Variants in CLDN23 observed in about 807,000 individuals in gnomAD.
CLDN23 encodes claudin 23.
In CLDN23, 3 loss-of-function variants were observed where a neutral mutation model predicts 1.4. That is an observed-to-expected ratio of 2.10 (90% CI 0.96 to 5.43). The LOEUF (loss-of-function observed/expected upper bound fraction) is 5.43, where lower values mean the gene tolerates loss of function less well. Ranked by LOEUF, CLDN23 falls within the 30% of genes most tolerant of loss-of-function variation. The probability of loss-of-function intolerance (pLI) is 0.02; values close to 1 mark genes in which losing one functional copy is unlikely to be tolerated. For synonymous variants in CLDN23, 291 were observed against 209.9 expected (o/e 1.39, Z -3.34); for missense variants, 597 against 433.5 (o/e 1.38, Z -3.35).
Position 8,702,483 on chromosome 8 carries a change from G to C in CLDN23, c.85G>C (p.Gly29Arg). Residue 29 changes from glycine to arginine, a missense_variant, in exon 1 of 1, where the codon GGC (glycine) becomes CGC (arginine). Coordinates refer to ENST00000519106, the MANE Select transcript of CLDN23 (RefSeq NM_194284.3). The part of the protein sequence containing the change: ...LLNLTGTLAP[G>R]WRLVKGFLNQ... The stretch of plus-strand genomic sequence containing the variant: ...CAACCTGACCGGCACCCTGGCGCCC[G>C]GCTGGCGGCTGGTGAAGGGCTTCCT... The C allele has an allele frequency of 6.2e-7, 1 of 1,607,486 alleles. No homozygotes were observed. Among genetic ancestry groups the C allele is most frequent in the Non-Finnish European group, 8.5e-7 (1 of 1,178,130 alleles).
Position 8,702,957 on chromosome 8 carries a change from G to T in CLDN23, c.559G>T (p.Glu187Ter). The T allele has an allele frequency of 6.4e-7, 1 of 1,565,254 alleles. No homozygotes were observed. The highest frequency in any genetic ancestry group is 8.6e-7 in the Non-Finnish European group (1 of 1,161,002). ...GCTCAGCTTCGCGCCCTGGTGCGAC[G>T]AGCGTTGTCGCCGCCGCCGCAAGGG... ...LALSFAPWCDERCRRRRKGPS... is the reference protein window; with the variant it reads ...LALSFAPWCD Residue 187 changes from glutamate (E) to a stop codon, truncating the protein, a stop_gained, in exon 1 of 1, where the codon GAG becomes TAG. Coordinates refer to ENST00000519106, the MANE Select transcript of CLDN23 (RefSeq NM_194284.3). LOFTEE classifies it low-confidence loss of function (END_TRUNC).
Position 8,702,170 on chromosome 8 carries a change from G to A in CLDN23, c.-229G>A. 7.4e-6 allele frequency: 3 copies of A among 404,304 alleles called. No homozygotes were observed. The highest frequency in any genetic ancestry group is 8.6e-6 in the Non-Finnish European group (2 of 231,658). 25.0% of individuals were successfully genotyped at this position (404,304 alleles called of 1,614,324 possible). A position where few individuals can be genotyped will look rare whatever the true frequency, so the allele number is the denominator to read the frequency against. ...TTAGGGCCAGTAGGAGGGCGGAGCG[G>A]CCGGGACGCCAGGAGGGAACTAGCC... On this transcript the variant is annotated 5_prime_UTR_variant, in exon 1 of 1. Coordinates refer to ENST00000519106, the MANE Select transcript of CLDN23 (RefSeq NM_194284.3).
chr8:8,703,680 T>G lies in CLDN23; in HGVS notation c.*403T>G, dbSNP rs1802826365. 2 of 174,772 alleles carry G rather than the reference T, an allele frequency of 1.1e-5. No individual in the cohort carries two copies. The highest frequency in any genetic ancestry group is 4.8e-5 in the African/African-American group (2 of 41,808). 10.8% of individuals were successfully genotyped at this position (174,772 alleles called of 1,614,324 possible). The stretch of plus-strand genomic sequence containing the variant: ...ATCAATATAATTATTGGGTTTTTTT[T>G]CTTTTTCCTGCTGTATAACTCCTTG... On this transcript the variant is annotated 3_prime_UTR_variant, in exon 1 of 1. Coordinates refer to ENST00000519106, the MANE Select transcript of CLDN23 (RefSeq NM_194284.3).
At position 8,703,191 on chromosome 8, in the gene CLDN23, G is replaced by A. The variant is rs1025934367; in HGVS notation, c.793G>A (p.Asp265Asn). The A allele has an allele frequency of 3.3e-6, 5 of 1,495,398 alleles. No homozygotes were observed. The highest frequency in any genetic ancestry group is 1.3e-5 in the South Asian group (1 of 77,464). 92.6% of individuals were successfully genotyped at this position (1,495,398 alleles called of 1,614,324 possible). The change falls in exon 1 of 1, where the codon GAC (aspartate) becomes AAC (asparagine). Residue 265 changes from aspartate to asparagine, a missense_variant. Coordinates refer to ENST00000519106, the MANE Select transcript of CLDN23 (RefSeq NM_194284.3). ...CTACACCAACTCGGTGGACGTCCTC[G>A]ACGGGGAGGGGTGGGAGTCCCAGGA... ...KAYTNSVDVL[D>N]GEGWESQDAP...
In CLDN23 at chr8:8,702,274, G is replaced by A. The variant is rs1802743566; in HGVS notation, c.-125G>A. ...GGCTCAGGAGCCCGACCCGGAGCCC[G>A]GGGCGTCCGCGCTGACTTCGGGTCC... On this transcript the variant is annotated 5_prime_UTR_variant, in exon 1 of 1. Coordinates refer to ENST00000519106, the MANE Select transcript of CLDN23 (RefSeq NM_194284.3). 7 of 1,080,100 alleles carry A rather than the reference G, an allele frequency of 6.5e-6. No individual in the cohort carries two copies. Among genetic ancestry groups the A allele is most frequent in the South Asian group, 5.4e-5 (3 of 55,862 alleles). The allele number at this position is 1,080,100 out of a possible 1,614,324, so 66.9% of individuals were successfully genotyped here.
At position 8,702,208 on chromosome 8, in the gene CLDN23, G is replaced by A; in HGVS notation, c.-191G>A. ...GAGGGAACTAGCCTAAGTGGGGACGGTCCCCGTGCAGGAGACAAAGAGCGT... is the reference window on the plus strand; with the variant it reads ...GAGGGAACTAGCCTAAGTGGGGACGATCCCCGTGCAGGAGACAAAGAGCGT... On this transcript the variant is annotated 5_prime_UTR_variant, in exon 1 of 1. Coordinates refer to ENST00000519106, the MANE Select transcript of CLDN23 (RefSeq NM_194284.3). 4 of 496,608 alleles carry A rather than the reference G, an allele frequency of 8.1e-6. No individual in the cohort carries two copies. The highest frequency in any genetic ancestry group is 1.4e-5 in the Non-Finnish European group (4 of 296,172). The allele number at this position is 496,608 out of a possible 1,614,324, so 30.8% of individuals were successfully genotyped here.
Position 8,702,510 on chromosome 8 carries a change from A to C in CLDN23, c.112A>C (p.Asn38His). The change falls in exon 1 of 1, where the codon AAC becomes CAC. Residue 38 changes from asparagine (N) to histidine (H), a missense_variant. Transcript: ENST00000519106. Reference protein sequence around the residue: ...PGWRLVKGFLNQPVDVELYQG... With the variant: ...PGWRLVKGFLHQPVDVELYQG... Reference sequence around the variant, plus strand: ...CTGGCGGCTGGTGAAGGGCTTCCTGAACCAGCCAGTGGACGTGGAGTTGTA... The same window carrying C: ...CTGGCGGCTGGTGAAGGGCTTCCTGCACCAGCCAGTGGACGTGGAGTTGTA... The C allele has an allele frequency of 6.2e-7, 1 of 1,609,428 alleles. No individual in the cohort carries two copies.
chr8:8,702,824 C>T lies in CLDN23; in HGVS notation c.426C>T (p.Arg142=), dbSNP rs781047657. 1.2e-6 allele frequency: 2 copies of T among 1,609,024 alleles called. No individual in the cohort carries two copies. Among genetic ancestry groups the T allele is most frequent in the Admixed American group, 1.7e-5 (1 of 59,910 alleles). The change falls in exon 1 of 1, where the codon CGC becomes CGT. Residue 142 remains arginine, a synonymous_variant. Coordinates refer to ENST00000519106, the MANE Select transcript of CLDN23 (RefSeq NM_194284.3). ...VSWYNHFLGD[R]DVLPAPASPV... ...GGTACAACCACTTCTTGGGGGACCG[C>T]GACGTGCTGCCCGCCCCGGCCAGCC...
Position 8,702,830 on chromosome 8 carries a change from G to T in CLDN23, c.432G>T (p.Val144=). ...ACCACTTCTTGGGGGACCGCGACGT[G>T]CTGCCCGCCCCGGCCAGCCCGGTCA... The part of the protein sequence containing the change: ...WYNHFLGDRD[V]LPAPASPVTV... Residue 144 remains valine, a synonymous_variant, in exon 1 of 1, where the codon GTG becomes GTT. Transcript: ENST00000519106. 1 of 1,608,424 alleles carries T rather than the reference G, an allele frequency of 6.2e-7. No individual in the cohort carries two copies.
Position 8,702,553 on chromosome 8 carries a change from T to C in CLDN23, c.155T>C (p.Met52Thr), listed in dbSNP as rs1311381859. ...DVELYQGLWD[M>T]CREQSSRERE... ...GAGTTGTACCAGGGCCTGTGGGACA[T>C]GTGTCGCGAGCAGAGCAGCCGCGAG... Residue 52 changes from methionine (M) to threonine (T), a missense_variant, in exon 1 of 1, where the codon ATG becomes ACG. Transcript: ENST00000519106. 3 of 1,611,552 alleles carry C rather than the reference T, an allele frequency of 1.9e-6. No homozygotes were observed. Among genetic ancestry groups the C allele is most frequent in the Non-Finnish European group, 2.5e-6 (3 of 1,179,228 alleles).
rs893619592 is a variant in CLDN23, at chr8:8,703,415, C to T, written c.*138C>T. The T allele has an allele frequency of 2.5e-5, 20 of 814,944 alleles. No homozygotes were observed. The East Asian group carries it at 6.7e-4, about 27-fold the overall frequency. 50.5% of individuals were successfully genotyped at this position (814,944 alleles called of 1,614,324 possible). On this transcript the variant is annotated 3_prime_UTR_variant, in exon 1 of 1. Transcript: ENST00000519106. ...CTGCCTTTCGTGGGACCAAACAGGACTCCTTGGACGATTAGTTCAGGTTGG... is the reference window on the plus strand; with the variant it reads ...CTGCCTTTCGTGGGACCAAACAGGATTCCTTGGACGATTAGTTCAGGTTGG...
rs772804750 is a variant in CLDN23, at chr8:8,702,602, G to C, written c.204G>C (p.Gln68His). 28 of 1,607,306 alleles carry C rather than the reference G, an allele frequency of 1.7e-5. No individual in the cohort carries two copies. Among genetic ancestry groups the C allele is most frequent in the African/African-American group, 9.4e-5 (7 of 74,774 alleles). Residue 68 changes from glutamine (Q) to histidine (H), a missense_variant, in exon 1 of 1, where the codon CAG (glutamine) becomes CAC (histidine). Coordinates refer to ENST00000519106, the MANE Select transcript of CLDN23 (RefSeq NM_194284.3). The part of the protein sequence containing the change: ...SRERECGQTD[Q>H]WGYFEAQPVL... Reference sequence around the variant, plus strand: ...AGCGCGAGTGCGGCCAGACGGACCAGTGGGGCTACTTCGAGGCCCAGCCCG... The same window carrying C: ...AGCGCGAGTGCGGCCAGACGGACCACTGGGGCTACTTCGAGGCCCAGCCCG...
rs1262498769 is a variant in CLDN23, at chr8:8,702,879, G to C, written c.481G>C (p.Val161Leu). Residue 161 changes from valine to leucine, a missense_variant, in exon 1 of 1, where the codon GTC becomes CTC. Physicochemically the swap from Val to Leu is conservative, Grantham distance 32. Transcript: ENST00000519106. ...CACGGTGCAGGTCAGCTACAGCCTG[G>C]TCCTGGGCTACCTGGGCAGCTGCCT... ...PVTVQVSYSL[V>L]LGYLGSCLLL... The C allele has an allele frequency of 6.9e-6, 11 of 1,585,648 alleles. No individual in the cohort carries two copies. The highest frequency in any genetic ancestry group is 9.4e-6 in the Non-Finnish European group (11 of 1,165,542).
rs1204998614 is a variant in CLDN23 at position 8,702,965 on chromosome 8, TCGC to T, written c.577_579del (p.Arg193del). 7.0e-6 allele frequency: 11 copies of T among 1,562,722 alleles called. No homozygotes were observed. Among genetic ancestry groups the T allele is most frequent in the African/African-American group, 1.4e-5 (1 of 73,598 alleles). ...TCGCGCCCTGGTGCGACGAGCGTTGTCGCCGCCGCCGCAAGGGACCCTCCGCCG... is the reference window on the plus strand; with the variant it reads ...TCGCGCCCTGGTGCGACGAGCGTTGTCGCCGCCGCAAGGGACCCTCCGCCG... On this transcript the variant is annotated inframe_deletion, in exon 1 of 1. Coordinates refer to ENST00000519106, the MANE Select transcript of CLDN23 (RefSeq NM_194284.3).
In CLDN23 at chr8:8,703,078, G is replaced by A. The variant is rs996468063; in HGVS notation, c.680G>A (p.Gly227Asp). The change falls in exon 1 of 1, where the codon GGC becomes GAC. Residue 227 changes from glycine (G) to aspartate (D), a missense_variant. Coordinates refer to ENST00000519106, the MANE Select transcript of CLDN23 (RefSeq NM_194284.3). ...CCCGCCATCAAGTACTACAGCGACGGCCAGCACCGACCGCCGCCTGCCCAG... is the reference window on the plus strand; with the variant it reads ...CCCGCCATCAAGTACTACAGCGACGACCAGCACCGACCGCCGCCTGCCCAG... ...LAPAIKYYSD[G>D]QHRPPPAQHR... The A allele has an allele frequency of 2.0e-6, 3 of 1,536,100 alleles. No homozygotes were observed. The highest frequency in any genetic ancestry group is 2.8e-5 in the African/African-American group (2 of 71,534).
In CLDN23 at chr8:8,703,032, T is replaced by A; in HGVS notation, c.634T>A (p.Trp212Arg). 6.5e-7 allele frequency: 1 copy of A among 1,541,408 alleles called. No individual in the cohort carries two copies. Among genetic ancestry groups the A allele is most frequent in the South Asian group, 1.2e-5 (1 of 83,794 alleles). ...RSSVSTIQVE[W>R]PEPDLAPAIK... ...CAGCGTCAGCACCATCCAAGTGGAG[T>A]GGCCCGAGCCCGACCTGGCGCCCGC... The change falls in exon 1 of 1, where the codon TGG becomes AGG. Residue 212 changes from tryptophan (W) to arginine (R), a missense_variant. By Grantham distance (101) the Trp-to-Arg change is moderately radical. Transcript: ENST00000519106.
In CLDN23 at chr8:8,702,313, C is replaced by T; in HGVS notation, c.-86C>T. On this transcript the variant is annotated 5_prime_UTR_variant, in exon 1 of 1. Transcript: ENST00000519106. ...GACTTCGGGTCCCCGGAGCCTGGGG[C>T]ACGGCAGGGAGAAGACGACGGCGGA... 2 of 1,397,842 alleles carry T rather than the reference C, an allele frequency of 1.4e-6. No individual in the cohort carries two copies. The highest frequency in any genetic ancestry group is 3.1e-5 in the South Asian group (2 of 65,432). The allele number at this position is 1,397,842 out of a possible 1,614,324, so 86.6% of individuals were successfully genotyped here. A position where few individuals can be genotyped will look rare whatever the true frequency, so the allele number is the denominator to read the frequency against.
In CLDN23 at chr8:8,702,548, G is replaced by T. The variant is rs1802760524; in HGVS notation, c.150G>T (p.Trp50Cys). 2 of 1,611,740 alleles carry T rather than the reference G, an allele frequency of 1.2e-6. No homozygotes were observed. The highest frequency in any genetic ancestry group is 1.7e-6 in the Non-Finnish European group (2 of 1,179,282). The change falls in exon 1 of 1, where the codon TGG becomes TGT. Residue 50 changes from tryptophan (W) to cysteine (C), a missense_variant. Coordinates refer to ENST00000519106, the MANE Select transcript of CLDN23 (RefSeq NM_194284.3). ...ACGTGGAGTTGTACCAGGGCCTGTG[G>T]GACATGTGTCGCGAGCAGAGCAGCC... ...PVDVELYQGL[W>C]DMCREQSSRE...
rs1455235672 is a variant in CLDN23, at chr8:8,703,446, G to C, written c.*169G>C. 5 of 625,920 alleles carry C rather than the reference G, an allele frequency of 8.0e-6. No homozygotes were observed. The highest frequency in any genetic ancestry group is 3.8e-5 in the African/African-American group (2 of 52,468). The allele number at this position is 625,920 out of a possible 1,614,324, so 38.8% of individuals were successfully genotyped here. A position where few individuals can be genotyped will look rare whatever the true frequency, so the allele number is the denominator to read the frequency against. Reference sequence around the variant, plus strand: ...GGACGATTAGTTCAGGTTGGGTTTGGTTTTCTTCTTAAAGAGTTTAGTTTT... The same window carrying C: ...GGACGATTAGTTCAGGTTGGGTTTGCTTTTCTTCTTAAAGAGTTTAGTTTT... On this transcript the variant is annotated 3_prime_UTR_variant, in exon 1 of 1. Coordinates refer to ENST00000519106, the MANE Select transcript of CLDN23 (RefSeq NM_194284.3).
Sources: gnomAD v4.1 joint callset for allele counts on GRCh38, gnomAD v4.1.1 for gene constraint, MANE v1.5 for transcripts, NCBI Gene and HGNC (gene_info 2026-07-23, HGNC 2026-07-21) for gene names.